The following CNBD1 variants were observed in gnomAD, a reference collection of about 807,000 sequenced individuals.
CNBD1 encodes cyclic nucleotide binding domain containing 1, also known as cyclic nucleotide-binding domain-containing protein 1.
In CNBD1, 71 loss-of-function variants were observed where a neutral mutation model predicts 54.4. The ratio of observed to expected loss-of-function variants is 1.30; its 90% CI spans 1.08 to 1.59. CNBD1 has a LOEUF of 1.59. Ranked by LOEUF, CNBD1 falls within the 40% of genes most tolerant of loss-of-function variation. The probability of loss-of-function intolerance (pLI) is 0.00; values close to 1 mark genes in which losing one functional copy is unlikely to be tolerated. For missense variants in CNBD1, 659 were observed against 518.0 expected (o/e 1.27, Z -2.64); for synonymous variants, 182 against 170.7 (o/e 1.07, Z -0.51).
intron 4 of CNBD1, among the ~76,000 whole-genome samples, chr8:87,075,350 A>G (rs1048776586): frequency 6.6e-6 from 1 of 152,158 alleles, no homozygotes; most frequent in South Asian, 2.1e-4. Flanking sequence ...AAACAAAGAA[A>G]TCGATCCCAC....
intron 4 of CNBD1, among the ~76,000 whole-genome samples, chr8:87,023,009 ATAT>A (rs915600353): frequency 2.0e-4 from 31 of 152,300 alleles, no homozygotes; most frequent in African/African-American, 7.2e-4. Flanking sequence ...TTTTAAGTGG[ATAT>A]TATTATCATC....
chr8:87,344,659 C>A (rs982607976), intron 8 of CNBD1, among the ~76,000 whole-genome samples: 1 of 152,040 alleles, frequency 6.6e-6, no homozygotes, highest in Non-Finnish European at 1.5e-5. Flanking sequence ...TGTCTTGAAT[C>A]TAAATTAATT....
intron 8 of CNBD1, among the ~76,000 whole-genome samples, chr8:87,314,230 CAT>C: frequency 6.6e-6 from 1 of 151,616 alleles, no homozygotes; most frequent in African/African-American, 2.4e-5. Context: ...TATTTGGAAA[CAT>C]AATCTAGCAG....
intron 2 of CNBD1, among the ~76,000 whole-genome samples, chr8:87,409,309 C>T (rs1305576459): frequency 6.6e-6 from 1 of 152,108 alleles, no homozygotes; most frequent in African/African-American, 2.4e-5. Flanking sequence ...CAAGCCTCAG[C>T]ATCTAGAGCA....
intron 4 of CNBD1, among the ~76,000 whole-genome samples, chr8:87,092,096 G>A (rs777211001): frequency 1.3e-5 from 2 of 152,024 alleles, no homozygotes; most frequent in Non-Finnish European, 1.5e-5. Context: ...TAAATATGGA[G>A]GAGCAAAGAC....
At chr8:86,867,325 T>C (rs975673066) in intron 1 of CNBD1, among the ~76,000 whole-genome samples, 3 of 152,208 alleles carry the variant, frequency 2.0e-5, no homozygotes, top group Admixed American at 2.0e-4. Flanking sequence ...AAGGTAATAC[T>C]TGTGATCCTT....
At chr8:87,335,463 C>G (rs777782037) in intron 8 of CNBD1, among the ~76,000 whole-genome samples, 3 of 152,016 alleles carry the variant, frequency 2.0e-5, no homozygotes, top group Non-Finnish European at 4.4e-5. Flanking sequence ...ATGTAATGCC[C>G]TTTTTTGTAT....
At chr8:87,384,774 C>A (rs1008760076), downstream of CNBD1, among the ~76,000 whole-genome samples, 2 of 151,680 alleles carry the variant, frequency 1.3e-5, no homozygotes, top group African/African-American at 2.4e-5. Flanking sequence ...AGTGAAAGGT[C>A]AATAAGATAG....
At chr8:87,221,114 T>C (rs1051587483) in intron 5 of CNBD1, among the ~76,000 whole-genome samples, 1 of 152,156 alleles carries the variant, frequency 6.6e-6, no homozygotes, top group Non-Finnish European at 1.5e-5. Context: ...TCTTGGATAA[T>C]GTATTTGAGG....
At chr8:87,176,049 C>A (rs1247484236) in intron 4 of CNBD1, among the ~76,000 whole-genome samples, 1 of 152,198 alleles carries the variant, frequency 6.6e-6, no homozygotes, top group Non-Finnish European at 1.5e-5. Flanking sequence ...TGTACCTCTC[C>A]CAAGTGCAGT....
chr8:87,392,216 G>A (rs1432478791), intron 2 of CNBD1, among the ~76,000 whole-genome samples: 2 of 151,958 alleles, frequency 1.3e-5, no homozygotes, highest in Non-Finnish European at 2.9e-5. Flanking sequence ...AAATGTGAAG[G>A]GGTACAGTCA....
In CNBD1 at chr8:86,905,090, G is replaced by A. The variant is rs1808996767; in HGVS notation, c.168G>A (p.Met56Ile). The A allele has an allele frequency of 6.2e-7, 1 of 1,602,460 alleles. No individual in the cohort carries two copies. The highest frequency in any genetic ancestry group is 1.3e-5 in the African/African-American group (1 of 74,582). The stretch of plus-strand genomic sequence containing the variant: ...CTCTCTTCTTTTTAAGCCGGAGTAT[G>A]AGCAATATCTTATCAGCTCACGATA... ...CHIRGQHSRS[M>I]SNILSAHDTF... is the part of the protein sequence containing the mutation. The change falls in exon 3 of 11, where the codon ATG becomes ATA. Residue 56 changes from methionine (M) to isoleucine (I), a missense_variant. Coordinates refer to ENST00000518476, the MANE Select transcript of CNBD1 (RefSeq NM_173538.3).
rs1304816068 is a variant in CNBD1 at position 87,326,686 on chromosome 8, AT to A, written c.1043-24997del. On this transcript the variant is annotated intron_variant, in intron 8 of 10. Transcript: ENST00000518476. ...CTTTAAGCACTTCTCTGTATTGGTT[AT>A]TCTAGTTATACATTCTTCTAAATTT... is the stretch of plus-strand genomic sequence containing the variant. Among the ~76,000 whole-genome samples the A allele has an allele frequency of 1.8e-3, 178 of 99,418 alleles. 1 individual carries two copies. The highest frequency in any genetic ancestry group is 6.4e-3 in the African/African-American group (167 of 26,074). 65.2% of individuals were successfully genotyped at this position (99,418 alleles called of 152,430 possible).
intron 10 of CNBD1, among the ~76,000 whole-genome samples, chr8:87,365,977 C>T (rs1040364273): frequency 6.6e-5 from 10 of 151,964 alleles, no homozygotes; most frequent in African/African-American, 2.4e-4. Flanking sequence ...ATAAAATGTC[C>T]TATAAATCAT....
At chr8:87,231,603 A>G (rs571946285) in intron 5 of CNBD1, among the ~76,000 whole-genome samples, 1 of 151,990 alleles carries the variant, frequency 6.6e-6, no homozygotes, top group South Asian at 2.1e-4. Context: ...AGAAAGTCAA[A>G]CAATATTTGC....
At chr8:87,342,996 C>T (rs9297305) in intron 8 of CNBD1, among the ~76,000 whole-genome samples, 40,875 of 151,990 alleles carry the variant, frequency 0.27, 6,449 homozygotes, top group Middle Eastern at 0.41. Flanking sequence ...GTCCTTCTCT[C>T]GACTGCATAA....
At chr8:87,019,433 T>A (rs1371118202) in intron 4 of CNBD1, among the ~76,000 whole-genome samples, 1 of 152,200 alleles carries the variant, frequency 6.6e-6, no homozygotes, top group East Asian at 1.9e-4. Flanking sequence ...AATACCAGTA[T>A]ATGGTGCAAT....
rs371139651 is a variant in CNBD1 at position 86,974,871 on chromosome 8, A to G, written c.431+35117A>G. ...TTTACATGTGCATTATGTTTCATCCATATCTTTTACATATCATATAGGATT... is the reference window on the plus strand; with the variant it reads ...TTTACATGTGCATTATGTTTCATCCGTATCTTTTACATATCATATAGGATT... On this transcript the variant is annotated intron_variant, in intron 4 of 10. Coordinates refer to ENST00000518476, the MANE Select transcript of CNBD1 (RefSeq NM_173538.3). Among the ~76,000 whole-genome samples the G allele has an allele frequency of 5.9e-5, 9 of 152,072 alleles. No homozygotes were observed. The East Asian group carries it at 7.7e-4, about 13-fold the overall frequency.
chr8:87,020,628 G>A (rs1809466428), intron 4 of CNBD1, among the ~76,000 whole-genome samples: 1 of 151,928 alleles, frequency 6.6e-6, no homozygotes, highest in African/African-American at 2.4e-5. Context: ...TATATATTGT[G>A]ACTTACTTTT....
Sources: allele counts gnomAD v4.1 joint callset (sites outside exome capture counted in the v4.1 genomes callset), GRCh38; gene constraint gnomAD v4.1.1; transcripts MANE v1.5; gene names NCBI Gene and HGNC (gene_info 2026-07-23, HGNC 2026-07-21).